Variants in PTPRN2 observed in about 807,000 individuals in gnomAD.
The protein encoded by PTPRN2 is protein tyrosine phosphatase receptor type N2, also known as receptor-type tyrosine-protein phosphatase N2.
In PTPRN2, 74 loss-of-function variants were observed where a neutral mutation model predicts 118.8. That is an observed-to-expected ratio of 0.62 (90% CI 0.52 to 0.76). The LOEUF (loss-of-function observed/expected upper bound fraction) is 0.76. PTPRN2 is among the 30% of genes least tolerant of loss of function. PTPRN2 has a pLI of 0.00. For synonymous variants in PTPRN2, 641 were observed against 608.0 expected (o/e 1.05, Z -0.80); for missense variants, 1,481 against 1,394.4 (o/e 1.06, Z -0.99).
chr7:158,247,952 C>G (rs537119266), intron 3 of PTPRN2, among the ~76,000 whole-genome samples: 3 of 152,272 alleles, frequency 2.0e-5, no homozygotes, highest in South Asian at 4.1e-4. Flanking sequence ...CGCACAAGAC[C>G]CCAGCCTGGA....
chr7:157,962,715 T>C (rs979050792), intron 11 of PTPRN2, among the ~76,000 whole-genome samples: 2 of 152,152 alleles, frequency 1.3e-5, no homozygotes, highest in African/African-American at 4.8e-5. Flanking sequence ...TAGGAAGGGT[T>C]CGTGACACCT....
chr7:157,945,066 G>C (rs76488356), intron 11 of PTPRN2, among the ~76,000 whole-genome samples: 1 of 152,080 alleles, frequency 6.6e-6, no homozygotes, highest in Non-Finnish European at 1.5e-5. Context: ...GTCAGGCCTC[G>C]GACCAGCCCC....
intron 22 of PTPRN2, among the ~76,000 whole-genome samples, chr7:157,541,095 C>T (rs186342569): frequency 3.9e-5 from 6 of 152,348 alleles, no homozygotes; most frequent in East Asian, 1.9e-4. Context: ...GAGAAGGCAA[C>T]GGTTCCTGCG....
rs554103132 is a variant in PTPRN2 at position 158,576,533 on chromosome 7, C to T, written c.112+11025G>A. Among the ~76,000 whole-genome samples, 9 of 152,334 alleles carry T rather than the reference C, an allele frequency of 5.9e-5. No individual in the cohort carries two copies. In the South Asian group the frequency reaches 8.3e-4, roughly 14 times the overall value. On this transcript the variant is annotated intron_variant, in intron 1 of 22. Transcript: ENST00000389418. ...CACCAGCACCTCTGCCTGCCTCTCC[C>T]GCAGAGGCCTCCGGGGAGTAACATG...
intron 3 of PTPRN2, among the ~76,000 whole-genome samples, chr7:158,274,340 C>T (rs1383007345): frequency 1.5e-3 from 3 of 1,950 alleles, no homozygotes; most frequent in Non-Finnish European, 2.9e-3. Context: ...GCCGCAGACG[C>T]GGGAGAGCCA....
At chr7:158,368,572 C>T (rs1013092561) in intron 2 of PTPRN2, among the ~76,000 whole-genome samples, 5 of 152,272 alleles carry the variant, frequency 3.3e-5, no homozygotes, top group Non-Finnish European at 5.9e-5. Context: ...CCCGGCCCGC[C>T]CGCACAGTAA....
At chr7:158,578,297 A>C (rs188289966) in intron 1 of PTPRN2, among the ~76,000 whole-genome samples, 1 of 132,640 alleles carries the variant, frequency 7.5e-6, no homozygotes, top group East Asian at 2.2e-4. Context: ...TTTTTTTTTG[A>C]GATTCCAGAG....
intron 12 of PTPRN2, among the ~76,000 whole-genome samples, chr7:157,890,417 G>A (rs181881210): frequency 4.3e-4 from 66 of 152,248 alleles, no homozygotes; most frequent in African/African-American, 1.0e-3. Context: ...CAAGGCAGGC[G>A]GATCATGAGG....
rs187477318 is a variant in PTPRN2, at chr7:157,796,608, C to T, written c.1788+102065G>A. Reference sequence around the variant, plus strand: ...TCCATTCTCCATGGCTACAAAGAAACACCTGAGACTGGATGATTCTAGGAA... The same window carrying T: ...TCCATTCTCCATGGCTACAAAGAAATACCTGAGACTGGATGATTCTAGGAA... On this transcript the variant is annotated intron_variant, in intron 12 of 22. Transcript: ENST00000389418. 1.4e-4 allele frequency among the ~76,000 whole-genome samples: 21 copies of T among 152,322 alleles called. No homozygotes were observed. In the East Asian group the frequency reaches 3.5e-3, roughly 25 times the overall value.
intron 6 of PTPRN2, 35 bp from the exon 7 acceptor site, chr7:158,138,550 G>C: frequency 6.3e-7 from 1 of 1,588,364 alleles, no homozygotes; most frequent in African/African-American, 1.3e-5. Flanking sequence ...GGACGTTGTG[G>C]GTGGACGAAT....
At chr7:157,594,533 C>T (rs531461757) in intron 17 of PTPRN2, among the ~76,000 whole-genome samples, 8 of 152,226 alleles carry the variant, frequency 5.3e-5, no homozygotes, top group East Asian at 1.9e-4. Context: ...GTCCCCAGCT[C>T]GACTCTCCTT....
At chr7:157,724,460 T>C (rs1799416560) in intron 12 of PTPRN2, among the ~76,000 whole-genome samples, 1 of 152,228 alleles carries the variant, frequency 6.6e-6, no homozygotes, top group Non-Finnish European at 1.5e-5. Flanking sequence ...TGTATTCAGT[T>C]CTCAGATAAA....
chr7:157,561,343 G>A (rs1799182387), intron 21 of PTPRN2, among the ~76,000 whole-genome samples: 1 of 152,234 alleles, frequency 6.6e-6, no homozygotes. Flanking sequence ...AGAGAGAGCT[G>A]AGCTCGGCGG....
chr7:157,878,553 T>C (rs1007471424), intron 12 of PTPRN2, among the ~76,000 whole-genome samples: 2 of 138,022 alleles, frequency 1.4e-5, no homozygotes, highest in African/African-American at 5.6e-5. Flanking sequence ...GTCAGTGTGA[T>C]ACCGTGCACC....
At chr7:158,170,854 A>G (rs1823478017) in intron 5 of PTPRN2, among the ~76,000 whole-genome samples, 1 of 152,112 alleles carries the variant, frequency 6.6e-6, no homozygotes, top group African/African-American at 2.4e-5. Flanking sequence ...TTGCTTCAGC[A>G]CACTATTTAA....
chr7:158,403,992 A>G (rs905204571), intron 2 of PTPRN2, among the ~76,000 whole-genome samples: 1 of 152,246 alleles, frequency 6.6e-6, no homozygotes, highest in African/African-American at 2.4e-5. Context: ...ACCAAAGAAA[A>G]GGAAGTCCAT....
At chr7:157,699,306 C>T (rs1797956571) in intron 12 of PTPRN2, among the ~76,000 whole-genome samples, 1 of 152,190 alleles carries the variant, frequency 6.6e-6, no homozygotes. Flanking sequence ...TACCTGGATT[C>T]TACTGAGAAG....
chr7:158,180,082 G>C (rs578083089), intron 5 of PTPRN2, among the ~76,000 whole-genome samples: 21 of 152,352 alleles, frequency 1.4e-4, no homozygotes, highest in African/African-American at 4.8e-4. Flanking sequence ...TTTATCTCCA[G>C]CTTGCCCTTG....
chr7:157,645,298 A>G (rs940629261), intron 14 of PTPRN2, among the ~76,000 whole-genome samples: 1 of 152,216 alleles, frequency 6.6e-6, no homozygotes, highest in Non-Finnish European at 1.5e-5. Context: ...GAGAAACAGA[A>G]GTGAAAACCA....
Sources: allele counts gnomAD v4.1 joint callset (sites outside exome capture counted in the v4.1 genomes callset), GRCh38; gene constraint gnomAD v4.1.1; transcripts MANE v1.5; gene names NCBI Gene and HGNC (gene_info 2026-07-23, HGNC 2026-07-21).